SLC5A12: variants seen among roughly 807,000 people sequenced by gnomAD.
SLC5A12 encodes the protein solute carrier family 5 member 12, also known as sodium-coupled monocarboxylate transporter 2.
Under a neutral mutation model 72.7 loss-of-function variants are expected in SLC5A12, and 46 were observed. That is an observed-to-expected ratio of 0.63 (90% CI 0.50 to 0.81). The LOEUF (loss-of-function observed/expected upper bound fraction) is 0.81. Among genes scored for constraint, SLC5A12 ranks in the 30% least tolerant of loss-of-function variants. The pLI is 0.00. For missense variants in SLC5A12, 683 were observed against 740.7 expected, an observed-to-expected ratio of 0.92 and a Z score of 0.90; for synonymous variants, 275 against 264.4, an observed-to-expected ratio of 1.04 and a Z score of -0.39.
At chr11:26,695,094 A>AT (rs200189901) in intron 8 of SLC5A12, among the ~76,000 whole-genome samples, 1 of 151,974 alleles carries the variant, frequency 6.6e-6, no homozygotes, top group African/African-American at 2.4e-5. Context: ...AACTAAAAAT[A>AT]TTTTTTTAAA....
At position 26,669,935 on chromosome 11, in the gene SLC5A12, C is replaced by T. The variant is rs1854099845; in HGVS notation, c.*1167G>A. On this transcript the variant is annotated 3_prime_UTR_variant, in exon 15 of 15. Coordinates refer to ENST00000396005, the MANE Select transcript of SLC5A12 (RefSeq NM_178498.4). ...TATTATCTGTCCTCTGACTTGGCCC[C>T]TGTGACATACTGGTTCTTTCTTTTA... 6.6e-6 allele frequency: 1 copy of T among 152,116 alleles called. No individual in the cohort carries two copies. Among genetic ancestry groups the T allele is most frequent in the Non-Finnish European group, 1.5e-5 (1 of 67,998 alleles). The allele number at this position is 152,116 out of a possible 1,614,324, so 9.4% of individuals were successfully genotyped here.
chr11:26,712,786 T>C (rs1855262834), intron 1 of SLC5A12, 80 bp from the exon 2 acceptor site: 8 of 930,460 alleles, frequency 8.6e-6, no homozygotes, highest in Non-Finnish European at 1.2e-5. Flanking sequence ...TCTTGGTATA[T>C]CCTCTGTTGT....
rs148607302 is a variant in SLC5A12 at position 26,710,825 on chromosome 11, G to A, written c.457+482C>T. On this transcript the variant is annotated intron_variant, in intron 3 of 14. Transcript: ENST00000396005. Reference sequence around the variant, plus strand: ...ATATTGAGGACTTTCAATACGGCAGGTGTCATTGTGAAGTTTACTTTGACT... The same window carrying A: ...ATATTGAGGACTTTCAATACGGCAGATGTCATTGTGAAGTTTACTTTGACT... Among the ~76,000 whole-genome samples, 4 of 152,074 alleles carry A rather than the reference G, an allele frequency of 2.6e-5. No individual in the cohort carries two copies. In the East Asian group the frequency reaches 5.8e-4, roughly 22 times the overall value.
chr11:26,689,975 T>A (rs1223137360), intron 9 of SLC5A12, among the ~76,000 whole-genome samples: 1 of 152,154 alleles, frequency 6.6e-6, no homozygotes, highest in Non-Finnish European at 1.5e-5. Context: ...ATCATTATTG[T>A]TAAGAGAGCA....
At chr11:26,703,993 C>A (rs965342377) in intron 4 of SLC5A12, 46 bp from the exon 5 acceptor site, 3 of 1,604,672 alleles carry the variant, frequency 1.9e-6, no homozygotes, top group Middle Eastern at 1.7e-4. Context: ...AACCCTGTAA[C>A]TGTACTGGCT....
intron 8 of SLC5A12, among the ~76,000 whole-genome samples, chr11:26,694,723 GA>G (rs1238550260): frequency 2.0e-5 from 3 of 152,028 alleles, no homozygotes; most frequent in Admixed American, 2.0e-4. Flanking sequence ...TTTTAAAAGA[GA>G]AAAATATGTG....
intron 9 of SLC5A12, among the ~76,000 whole-genome samples, chr11:26,688,689 G>T (rs1381062361): frequency 2.0e-5 from 3 of 152,146 alleles, no homozygotes; most frequent in African/African-American, 7.2e-5. Flanking sequence ...CAGACTCAAT[G>T]AAGCAAGGAC....
At chr11:26,693,265 ATGT>A (rs1407736844) in intron 8 of SLC5A12, among the ~76,000 whole-genome samples, 2 of 152,214 alleles carry the variant, frequency 1.3e-5, no homozygotes, top group Admixed American at 6.5e-5. Flanking sequence ...TGGGAAAAAG[ATGT>A]TGTAGGATGA....
intron 9 of SLC5A12, among the ~76,000 whole-genome samples, chr11:26,688,277 C>G (rs575868115): frequency 6.6e-6 from 1 of 152,226 alleles, no homozygotes; most frequent in South Asian, 2.1e-4. Context: ...TGGATTTTCC[C>G]AATGCAGCAT....
At chr11:26,683,932 A>G (rs144084496) in intron 10 of SLC5A12, 89 bp from the exon 11 acceptor site, 20 of 998,582 alleles carry the variant, frequency 2.0e-5, no homozygotes, top group Non-Finnish European at 2.7e-5. Context: ...CTGGGATAAT[A>G]TTGGGTCCTA....
At chr11:26,701,504 A>C (rs980020402) in intron 6 of SLC5A12, among the ~76,000 whole-genome samples, 3 of 152,174 alleles carry the variant, frequency 2.0e-5, no homozygotes, top group Non-Finnish European at 4.4e-5. Context: ...AACAAATTCC[A>C]AGTTCCAGGC....
At chr11:26,688,395 G>T (rs1417887727) in intron 9 of SLC5A12, among the ~76,000 whole-genome samples, 2 of 152,156 alleles carry the variant, frequency 1.3e-5, no homozygotes, top group African/African-American at 4.8e-5. Context: ...TGGCAGCAGT[G>T]CCCATCTACT....
At chr11:26,682,390 A>G (rs936278146) in intron 11 of SLC5A12, among the ~76,000 whole-genome samples, 15 of 152,192 alleles carry the variant, frequency 9.9e-5, no homozygotes, top group African/African-American at 3.6e-4. Flanking sequence ...ATGGATTTCA[A>G]CTGGAGGGTT....
At chr11:26,681,811 T>C (rs1208432654) in intron 11 of SLC5A12, among the ~76,000 whole-genome samples, 3 of 152,132 alleles carry the variant, frequency 2.0e-5, no homozygotes, top group Admixed American at 6.6e-5. Context: ...CTAGCAGAGA[T>C]TAGGACCACT....
In SLC5A12 at chr11:26,703,567, C is replaced by T. The variant is rs1367641911; in HGVS notation, c.785G>A (p.Arg262Gln). 6.2e-7 allele frequency: 1 copy of T among 1,613,816 alleles called. No individual in the cohort carries two copies. The highest frequency in any genetic ancestry group is 8.5e-7 in the Non-Finnish European group (1 of 1,179,946). ...IYGVNQSTIQ[R>Q]CISCKTEKHA... ...CTTTTCTGTTTTGCAAGAGATGCAT[C>T]GCTGAATAGTTGATTGATTGACCCC... The change falls in exon 6 of 15, where the codon CGA becomes CAA. Residue 262 changes from arginine to glutamine, a missense_variant. Arg to Gln is a conservative substitution (Grantham distance 43). Coordinates refer to ENST00000396005, the MANE Select transcript of SLC5A12 (RefSeq NM_178498.4).
intron 14 of SLC5A12, 98 bp from the exon 15 acceptor site, chr11:26,671,349 T>C (rs974213104): frequency 9.8e-7 from 1 of 1,023,662 alleles, no homozygotes; most frequent in Non-Finnish European, 1.4e-6. Flanking sequence ...CAAAAAATTA[T>C]ATATATGTAC....
chr11:26,677,825 G>A (rs1348892996), intron 13 of SLC5A12, among the ~76,000 whole-genome samples: 1 of 152,034 alleles, frequency 6.6e-6, no homozygotes, highest in Non-Finnish European at 1.5e-5. Flanking sequence ...CAGAATGTTG[G>A]CCATTGTTCA....
At chr11:26,678,838 C>T (rs753035565) in intron 12 of SLC5A12, 23 bp from the exon 13 acceptor site, 3 of 1,524,030 alleles carry the variant, frequency 2.0e-6, no homozygotes, top group Admixed American at 3.4e-5. Flanking sequence ...GCACATGTCA[C>T]CAATTCCATG....
chr11:26,675,366 T>C (rs1854241996), intron 13 of SLC5A12, among the ~76,000 whole-genome samples: 1 of 152,112 alleles, frequency 6.6e-6, no homozygotes, highest in South Asian at 2.1e-4. Flanking sequence ...GTAGGAAAGT[T>C]AAAAATGAAA....
Sources: allele counts gnomAD v4.1 joint callset (sites outside exome capture counted in the v4.1 genomes callset), GRCh38; gene constraint gnomAD v4.1.1; transcripts MANE v1.5; gene names NCBI Gene and HGNC (gene_info 2026-07-23, HGNC 2026-07-21).